The following EEIG2 variants were observed in gnomAD, a reference collection of about 807,000 sequenced individuals.
The protein encoded by EEIG2 is family with sequence similarity 102 member B.
At chr1:108,568,906 A>G in the EEIG2 span, among the ~76,000 whole-genome samples, 1 of 152,182 alleles carries the variant, frequency 6.6e-6, no homozygotes, top group African/African-American at 2.4e-5. Flanking sequence ...TGAGAAATTT[A>G]GTTTTTGCTG....
At chr1:108,619,050 A>T in the EEIG2 span, among the ~76,000 whole-genome samples, 1 of 152,262 alleles carries the variant, frequency 6.6e-6, no homozygotes, top group South Asian at 2.1e-4. Flanking sequence ...TGAGCAGCAA[A>T]ACTTAGTAGA....
chr1:108,620,607 A>G, the EEIG2 span, among the ~76,000 whole-genome samples: 1 of 152,246 alleles, frequency 6.6e-6, no homozygotes, highest in African/African-American at 2.4e-5. Flanking sequence ...TGACGCGTTC[A>G]TATTCCAAAA....
At chr1:108,613,808 G>C in the EEIG2 span, among the ~76,000 whole-genome samples, 438 of 152,016 alleles carry the variant, frequency 2.9e-3, 7 homozygotes, top group Non-Finnish European at 4.7e-4. Context: ...AGCTAGCCTT[G>C]TGGACTATCT....
the EEIG2 span, among the ~76,000 whole-genome samples, chr1:108,563,847 G>A: frequency 6.6e-6 from 1 of 152,186 alleles, no homozygotes; most frequent in Non-Finnish European, 1.5e-5. Flanking sequence ...CCAATCAATG[G>A]ATCAGACAAT....
the EEIG2 span, among the ~76,000 whole-genome samples, chr1:108,633,720 T>C: frequency 6.6e-5 from 10 of 152,356 alleles, no homozygotes; most frequent in East Asian, 1.9e-3. Context: ...ATGTTTTTCC[T>C]TGTGTTTATT....
the EEIG2 span, among the ~76,000 whole-genome samples, chr1:108,634,889 A>C: frequency 6.6e-6 from 1 of 152,210 alleles, no homozygotes; most frequent in African/African-American, 2.4e-5. Context: ...TTATTGTGGG[A>C]ATAAGTGTGA....
At chr1:108,574,257 C>CA in the EEIG2 span, among the ~76,000 whole-genome samples, 28,746 of 145,390 alleles carry the variant, frequency 0.2, 3,047 homozygotes, top group African/African-American at 0.32. Context: ...AAGCCAATCA[C>CA]AAAAAAAAAA....
the EEIG2 span, among the ~76,000 whole-genome samples, chr1:108,567,158 A>G: frequency 6.6e-6 from 1 of 152,126 alleles, no homozygotes; most frequent in African/African-American, 2.4e-5. Context: ...AAGTAATTAA[A>G]ATAAAAAATT....
the EEIG2 span, among the ~76,000 whole-genome samples, chr1:108,581,978 CTTATT>C: frequency 1.3e-5 from 2 of 152,210 alleles, no homozygotes; most frequent in African/African-American, 4.8e-5. Flanking sequence ...TCCTTCTTCT[CTTATT>C]TTAAGAAATT....
At chr1:108,629,631 C>G in the EEIG2 span, 4 of 1,611,344 alleles carry the variant, frequency 2.5e-6, no homozygotes. Context: ...GAAGTACAAC[C>G]TTTGGCAGTC....
the EEIG2 span, among the ~76,000 whole-genome samples, chr1:108,611,850 A>G: frequency 6.6e-6 from 1 of 152,188 alleles, no homozygotes; most frequent in Non-Finnish European, 1.5e-5. Flanking sequence ...ACTATTTGCA[A>G]TGATTTTAGC....
At chr1:108,600,456 G>T in the EEIG2 span, 6 of 1,236,870 alleles carry the variant, frequency 4.9e-6, no homozygotes, top group South Asian at 1.7e-5. Context: ...ACAAATACTG[G>T]CTTTTAACAC....
chr1:108,605,588 T>C, the EEIG2 span, among the ~76,000 whole-genome samples: 1 of 152,154 alleles, frequency 6.6e-6, no homozygotes, highest in Non-Finnish European at 1.5e-5. Context: ...ACACATACCA[T>C]GTGCTAGGTA....
chr1:108,628,686 G>A, the EEIG2 span: 1 of 1,609,832 alleles, frequency 6.2e-7, no homozygotes, highest in South Asian at 1.1e-5. Flanking sequence ...GATGCCCAGT[G>A]AAACAAGATT....
the EEIG2 span, chr1:108,635,937 G>A: frequency 1.3e-5 from 2 of 152,200 alleles, no homozygotes; most frequent in African/African-American, 4.8e-5. Flanking sequence ...TTAACTCATT[G>A]AATATTAAGA....
chr1:108,632,301 G>T, the EEIG2 span, among the ~76,000 whole-genome samples: 1 of 152,010 alleles, frequency 6.6e-6, no homozygotes, highest in South Asian at 2.1e-4. Context: ...GAGGAGAGGG[G>T]GTTGTGAAAG....
the EEIG2 span, among the ~76,000 whole-genome samples, chr1:108,561,219 C>T: frequency 6.6e-6 from 1 of 152,192 alleles, no homozygotes; most frequent in Non-Finnish European, 1.5e-5. Flanking sequence ...AAATGAGCCC[C>T]TGGGCACTCC....
the EEIG2 span, chr1:108,627,549 C>T: frequency 6.6e-6 from 1 of 152,226 alleles, no homozygotes; most frequent in Non-Finnish European, 1.5e-5. Flanking sequence ...ATGGCTTTGA[C>T]ACTGCCTTTT....
chr1:108,560,361 G>C, the EEIG2 span: 3 of 1,399,828 alleles, frequency 2.1e-6, no homozygotes, highest in Non-Finnish European at 2.8e-6. Context: ...GGGCTGATCC[G>C]GGGCTCGGCC....
Sources: gnomAD v4.1 joint callset for allele counts (sites outside exome capture counted in the v4.1 genomes callset) on GRCh38, gnomAD v4.1.1 for gene constraint, MANE v1.5 for transcripts, NCBI Gene and HGNC (gene_info 2026-07-23, HGNC 2026-07-21) for gene names.